The following TRPC5 variants were observed in gnomAD, a reference collection of about 807,000 sequenced individuals.
The protein encoded by TRPC5 is transient receptor potential cation channel subfamily C member 5.
TRPC5 carries 9 observed loss-of-function variants against 56.5 expected under a neutral mutation model. The ratio of observed to expected loss-of-function variants is 0.16; its 90% CI spans 0.10 to 0.28. The LOEUF (loss-of-function observed/expected upper bound fraction) is 0.28. Among genes scored for constraint, TRPC5 ranks in the 10% least tolerant of loss-of-function variants. The pLI is 1.00. For synonymous variants in TRPC5, 282 were observed against 278.5 expected, an observed-to-expected ratio of 1.01 and a Z score of -0.13; for missense variants, 469 against 748.9, an observed-to-expected ratio of 0.63 and a Z score of 4.36.
chrX:112,073,741 G>A (rs918126597), intron 1 of TRPC5, among the ~76,000 whole-genome samples: 32 of 111,490 alleles, frequency 2.9e-4, no homozygotes, highest in African/African-American at 7.2e-4. Flanking sequence ...CACTGACTCC[G>A]CGCTTAATCT....
At chrX:111,943,345 C>T (rs757410349) in intron 2 of TRPC5, among the ~76,000 whole-genome samples, 2 of 111,686 alleles carry the variant, frequency 1.8e-5, no homozygotes, top group Admixed American at 1.9e-4. Flanking sequence ...TTTCCTTCTC[C>T]GTGATCCCGT....
At chrX:111,962,286 A>G (rs962348270) in intron 1 of TRPC5, among the ~76,000 whole-genome samples, 2 of 112,469 alleles carry the variant, frequency 1.8e-5, no homozygotes, top group Non-Finnish European at 3.8e-5. Context: ...TGTACAATGT[A>G]TGATTTATGA....
rs780800498 is a variant in TRPC5, at chrX:111,959,893, T to C, written c.-21-7452A>G. 3.2e-4 allele frequency among the ~76,000 whole-genome samples: 36 copies of C among 111,413 alleles called. 1 individual carries two copies. In the South Asian group the frequency reaches 0.014, roughly 43 times the overall value. ...TATTATAAGTGGTAACTGGAGCTGT[T>C]AGGAATTGATATGATCACGAGGGAG... On this transcript the variant is annotated intron_variant, in intron 1 of 10. Transcript: ENST00000262839.
rs370921562 is a variant in TRPC5, at chrX:112,053,098, T to C, written c.-22+28781A>G. 5.4e-5 allele frequency among the ~76,000 whole-genome samples: 6 copies of C among 111,849 alleles called. No individual in the cohort carries two copies. The East Asian group carries it at 8.4e-4, about 16-fold the overall frequency. On this transcript the variant is annotated intron_variant, in intron 1 of 10. Coordinates refer to ENST00000262839, the MANE Select transcript of TRPC5 (RefSeq NM_012471.3). ...GCAATGAGTCAGGGGATAAATCAGATGGAAATATTTGACATTATGAAGAAA... is the reference window on the plus strand; with the variant it reads ...GCAATGAGTCAGGGGATAAATCAGACGGAAATATTTGACATTATGAAGAAA...
At chrX:111,838,199 C>G (rs953531738) in intron 6 of TRPC5, among the ~76,000 whole-genome samples, 1 of 111,595 alleles carries the variant, frequency 9.0e-6, no homozygotes, top group Admixed American at 9.6e-5. Context: ...AATTGTACAA[C>G]AGGGGAAAAT....
intron 7 of TRPC5, among the ~76,000 whole-genome samples, chrX:111,801,697 G>A (rs1454004911): frequency 8.9e-6 from 1 of 112,077 alleles, no homozygotes; most frequent in Non-Finnish European, 1.9e-5. Context: ...CTTATTTGGA[G>A]AAATGTCATT....
At chrX:111,872,442 A>G (rs945556953) in intron 3 of TRPC5, among the ~76,000 whole-genome samples, 5 of 112,086 alleles carry the variant, frequency 4.5e-5, no homozygotes, top group African/African-American at 1.6e-4. Flanking sequence ...GTCAGATCCT[A>G]CAAATAAGTC....
rs1311672723 is a variant in TRPC5 at position 111,952,046 on chromosome X, C to T, written c.375G>A (p.Lys125=). ...AGCCTATAGGAATTTCTCTTACCTG[C>T]TTCTCTCCGCTGGGCCGCCTGTAGC... ...LLSYRRPSGE[K]QVPTLMMDTQ... The change falls in exon 2 of 11, where the codon AAG becomes AAA. Residue 125 remains lysine, a synonymous_variant. Transcript: ENST00000262839. 2 of 1,200,748 alleles carry T rather than the reference C, an allele frequency of 1.7e-6. No individual in the cohort carries two copies. Among genetic ancestry groups the T allele is most frequent in the Non-Finnish European group, 2.2e-6 (2 of 889,778 alleles).
chrX:111,793,590 A>G (rs1261178211), intron 7 of TRPC5, among the ~76,000 whole-genome samples: 1 of 111,767 alleles, frequency 8.9e-6, no homozygotes, highest in Non-Finnish European at 1.9e-5. Context: ...GTCCCCTCAT[A>G]CACTGCTCGT....
intron 1 of TRPC5, among the ~76,000 whole-genome samples, chrX:112,040,181 G>C (rs750637217): frequency 2.7e-5 from 3 of 112,033 alleles, no homozygotes; most frequent in Admixed American, 9.4e-5. Flanking sequence ...GTGGGGGAAA[G>C]TCTTAAAAAG....
intron 1 of TRPC5, among the ~76,000 whole-genome samples, chrX:111,997,092 A>T (rs1479188436): frequency 8.9e-6 from 1 of 111,793 alleles, no homozygotes; most frequent in African/African-American, 3.3e-5. Flanking sequence ...TCTTCTTAGC[A>T]TCGATGCTCT....
At chrX:112,024,311 C>T (rs1234859073) in intron 1 of TRPC5, among the ~76,000 whole-genome samples, 3 of 111,598 alleles carry the variant, frequency 2.7e-5, no homozygotes, top group Non-Finnish European at 5.6e-5. Context: ...GATTGCCCTA[C>T]CTAATGAGGA....
At chrX:112,025,684 C>G (rs1473828426) in intron 1 of TRPC5, among the ~76,000 whole-genome samples, 1 of 111,789 alleles carries the variant, frequency 8.9e-6, no homozygotes, top group Non-Finnish European at 1.9e-5. Flanking sequence ...ATGATAAAAC[C>G]TAATGAACAC....
chrX:111,948,732 C>CA (rs78704592), intron 2 of TRPC5, among the ~76,000 whole-genome samples: 3,006 of 75,069 alleles, frequency 0.04, 66 homozygotes, highest in Middle Eastern at 0.089. Flanking sequence ...ACTCCAACTC[C>CA]AAAAAAAAAA....
intron 1 of TRPC5, among the ~76,000 whole-genome samples, chrX:112,028,761 C>A (rs142936864): frequency 2.7e-5 from 3 of 111,743 alleles, no homozygotes; most frequent in Admixed American, 9.4e-5. Flanking sequence ...TTTATAGTAC[C>A]ATGATTTATA....
rs1945828090 is a variant in TRPC5, at chrX:111,768,909, G to C, written c.*7404C>G. 1.8e-5 allele frequency among the ~76,000 whole-genome samples: 2 copies of C among 111,454 alleles called. No individual in the cohort carries two copies. The highest frequency in any genetic ancestry group is 6.5e-5 in the African/African-American group (2 of 30,674). ...ATTGGACTACAGGTTACTTTGCCTT[G>C]GATATTTAAACTGATTGCTTAATAT... On this transcript the variant is annotated 3_prime_UTR_variant, in exon 11 of 11. Transcript: ENST00000262839.
chrX:111,846,485 G>T (rs1289828606), intron 6 of TRPC5, among the ~76,000 whole-genome samples: 1 of 112,158 alleles, frequency 8.9e-6, no homozygotes, highest in East Asian at 2.8e-4. Flanking sequence ...AGTTCCATGT[G>T]TTCAGAGGCA....
chrX:111,859,128 C>T (rs763676480), intron 3 of TRPC5, among the ~76,000 whole-genome samples: 2 of 111,300 alleles, frequency 1.8e-5, no homozygotes, highest in African/African-American at 6.5e-5. Flanking sequence ...TTATGATTTC[C>T]AGCTTAAATT....
At chrX:112,024,281 T>C (rs1022748269) in intron 1 of TRPC5, among the ~76,000 whole-genome samples, 4 of 111,818 alleles carry the variant, frequency 3.6e-5, no homozygotes, top group African/African-American at 1.3e-4. Flanking sequence ...AACATTTGAA[T>C]TGGTAGACTG....
Sources: gnomAD v4.1 joint callset for allele counts (sites outside exome capture counted in the v4.1 genomes callset) on GRCh38, gnomAD v4.1.1 for gene constraint, MANE v1.5 for transcripts, NCBI Gene and HGNC (gene_info 2026-07-23, HGNC 2026-07-21) for gene names.